The following ARHGEF7 variants were observed in gnomAD, a reference collection of about 807,000 sequenced individuals.
The protein encoded by ARHGEF7 is PAK-interacting exchange factor beta.
A neutral mutation model predicts 109.8 loss-of-function variants in ARHGEF7; 33 were observed. The ratio of observed to expected loss-of-function variants is 0.30; its 90% CI spans 0.23 to 0.40. The LOEUF is 0.40. Ranked by LOEUF, ARHGEF7 falls within the 10% of genes least tolerant of loss-of-function variation. The pLI is 1.00. For missense variants in ARHGEF7, 938 were observed against 1,098.5 expected, an observed-to-expected ratio of 0.85 and a Z score of 2.07; for synonymous variants, 458 against 424.6, an observed-to-expected ratio of 1.08 and a Z score of -0.97.
rs199525448 is a variant in ARHGEF7 at position 111,288,323 on chromosome 13, C to T, written c.2045-31C>T. Reference sequence around the variant, plus strand: ...CAGTTGCCCTAGAGGCCTTTCAGTTCGACTGTGAACTGTTGCGCATCTCTT... The same window carrying T: ...CAGTTGCCCTAGAGGCCTTTCAGTTTGACTGTGAACTGTTGCGCATCTCTT... On this transcript the variant is annotated intron_variant, in intron 17 of 21. Coordinates refer to ENST00000646102, the MANE Select transcript of ARHGEF7 (RefSeq NM_001354046.2). 69 of 1,560,320 alleles carry T rather than the reference C, an allele frequency of 4.4e-5. No homozygotes were observed. In the Admixed American group the frequency reaches 7.4e-4, roughly 17 times the overall value.
At position 111,145,849 on chromosome 13, in the gene ARHGEF7, T is replaced by C. The variant is rs1275908963; in HGVS notation, c.166-8056T>C. Among the ~76,000 whole-genome samples the C allele has an allele frequency of 4.6e-5, 7 of 152,266 alleles. No homozygotes were observed. The highest frequency in any genetic ancestry group is 8.8e-5 in the Non-Finnish European group (6 of 68,046). ...CTGACATTTCAGCTGTCTGAGTCCC[T>C]GTTTTCTCATCTGTAAAATACCAGA... On this transcript the variant is annotated intron_variant, in intron 1 of 21. Transcript: ENST00000646102. The surrounding 1 kb of genome is among the most constrained non-coding windows in gnomAD (Gnocchi z 4.3).
chr13:111,274,825 C>T (rs1269810083), intron 11 of ARHGEF7, 35 bp downstream of exon 11: 7 of 1,298,578 alleles, frequency 5.4e-6, no homozygotes, highest in Admixed American at 2.8e-5. Flanking sequence ...CCCCCCCAGA[C>T]ATTATTGTGA....
At chr13:111,206,231 A>C (rs1237547937) in intron 3 of ARHGEF7, among the ~76,000 whole-genome samples, 6 of 149,814 alleles carry the variant, frequency 4.0e-5, no homozygotes, top group Non-Finnish European at 1.5e-5. Context: ...CTGGCCCTTC[A>C]GAGGGGGGGG....
chr13:111,165,404 G>C (rs1290719989), intron 2 of ARHGEF7, among the ~76,000 whole-genome samples: 1 of 152,202 alleles, frequency 6.6e-6, no homozygotes, highest in Non-Finnish European at 1.5e-5. Flanking sequence ...TGCATCACTT[G>C]TATCTCCGCT....
chr13:111,219,211 T>C (rs1292201209), intron 5 of ARHGEF7, among the ~76,000 whole-genome samples: 2 of 152,240 alleles, frequency 1.3e-5, no homozygotes, highest in African/African-American at 4.8e-5. Flanking sequence ...CATTCTGCTT[T>C]CTGTCTCTGA....
chr13:111,143,985 A>G (rs1034306966), intron 1 of ARHGEF7: 5 of 152,246 alleles, frequency 3.3e-5, no homozygotes, highest in African/African-American at 1.2e-4. Flanking sequence ...TGGCATTGCT[A>G]TGAATTTGGG....
intron 9 of ARHGEF7, among the ~76,000 whole-genome samples, chr13:111,271,927 A>G (rs1390670440): frequency 6.6e-6 from 1 of 152,240 alleles, no homozygotes; most frequent in Admixed American, 6.5e-5. Context: ...AAGGGCAGAC[A>G]GAGGTGCCGC....
At chr13:111,151,783 C>T (rs1435165972) in intron 1 of ARHGEF7, among the ~76,000 whole-genome samples, 2 of 151,926 alleles carry the variant, frequency 1.3e-5, no homozygotes, top group Admixed American at 6.6e-5. Context: ...CGTTTGGGGG[C>T]CATTTGAAAC....
Position 111,132,993 on chromosome 13 carries a change from C to T in ARHGEF7, c.165+17302C>T, listed in dbSNP as rs986468927. 1.3e-4 allele frequency among the ~76,000 whole-genome samples: 20 copies of T among 152,048 alleles called. 1 individual carries two copies. The highest frequency in any genetic ancestry group is 3.4e-3 in the Middle Eastern group (1 of 294). On this transcript the variant is annotated intron_variant, in intron 1 of 21. Transcript: ENST00000646102. ...ATCTGTACACACATGTATATATACA[C>T]GTATATGCATACATATTTATATATA...
intron 8 of ARHGEF7, among the ~76,000 whole-genome samples, chr13:111,263,591 A>G (rs946033587): frequency 2.6e-5 from 4 of 152,214 alleles, no homozygotes; most frequent in African/African-American, 4.8e-5. Context: ...CACATATCCA[A>G]TAACTTTCCT....
intron 1 of ARHGEF7, among the ~76,000 whole-genome samples, chr13:111,140,500 A>G (rs989187471): frequency 1.3e-5 from 2 of 152,154 alleles, no homozygotes; most frequent in African/African-American, 4.8e-5. Flanking sequence ...TGTTGCAGGC[A>G]GAGGGAACAG....
chr13:111,173,175 C>A (rs1377540830), intron 2 of ARHGEF7, among the ~76,000 whole-genome samples: 1 of 152,148 alleles, frequency 6.6e-6, no homozygotes, highest in African/African-American at 2.4e-5. Flanking sequence ...GCACACAGAT[C>A]CTGCCAGTTA....
chr13:111,197,338 G>C (rs2080648029), intron 2 of ARHGEF7, among the ~76,000 whole-genome samples: 1 of 152,124 alleles, frequency 6.6e-6, no homozygotes, highest in African/African-American at 2.4e-5. Context: ...TAGACCACAA[G>C]GAGGACTGAG....
chr13:111,166,467 G>T (rs1196087632), intron 2 of ARHGEF7, among the ~76,000 whole-genome samples: 1 of 152,212 alleles, frequency 6.6e-6, no homozygotes, highest in Non-Finnish European at 1.5e-5. Context: ...AAGGGCAAAA[G>T]CACGGAAACC....
intron 1 of ARHGEF7, chr13:111,144,303 A>G (rs958672623): frequency 6.6e-6 from 1 of 152,282 alleles, no homozygotes; most frequent in Admixed American, 6.5e-5. Context: ...AAAGAGAAAC[A>G]TGCTTTAAAA....
At position 111,301,431 on chromosome 13, in the gene ARHGEF7, C is replaced by T. The variant is rs747766559; in HGVS notation, c.2412-47C>T. 3 of 1,558,232 alleles carry T rather than the reference C, an allele frequency of 1.9e-6. No homozygotes were observed. The East Asian group carries it at 6.7e-5, about 35-fold the overall frequency. The stretch of plus-strand genomic sequence containing the variant: ...CCTGGTAAGTTTTCGTGTGTCCTCT[C>T]CATGCCTCACCTTGTTCATGTGTGT... On this transcript the variant is annotated intron_variant, in intron 20 of 21. Transcript: ENST00000646102.
chr13:111,303,133 CTGTT>C lies in ARHGEF7; in HGVS notation c.*21_*24del. 1 of 1,534,248 alleles carries C rather than the reference CTGTT, an allele frequency of 6.5e-7. No individual in the cohort carries two copies. Among genetic ancestry groups the C allele is most frequent in the Non-Finnish European group, 8.8e-7 (1 of 1,131,768 alleles). ...CTATAAGGGATGTCCTCAGTTCTTT[CTGTT>C]GAAGACCAGTTCTGAGGTGAAGCTG... On this transcript the variant is annotated 3_prime_UTR_variant, in exon 22 of 22. Coordinates refer to ENST00000646102, the MANE Select transcript of ARHGEF7 (RefSeq NM_001354046.2).
At chr13:111,174,047 C>T (rs548689098) in intron 2 of ARHGEF7, among the ~76,000 whole-genome samples, 3 of 152,296 alleles carry the variant, frequency 2.0e-5, no homozygotes, top group East Asian at 1.9e-4. Context: ...ACCCAGCCCT[C>T]CCCCTGTACT....
chr13:111,126,730 ATCTAGGGTTGGC>A (rs1486664259), intron 1 of ARHGEF7, among the ~76,000 whole-genome samples: 1 of 152,246 alleles, frequency 6.6e-6, no homozygotes, highest in Non-Finnish European at 1.5e-5. Context: ...AATGTCAGCT[ATCTAGGGTTGGC>A]TCTTCAAACA....
Sources: gnomAD v4.1 joint callset for allele counts (sites outside exome capture counted in the v4.1 genomes callset) on GRCh38, gnomAD v4.1.1 for gene constraint, Gnocchi (gnomAD v3.1) non-coding constraint, MANE v1.5 for transcripts, NCBI Gene and HGNC (gene_info 2026-07-23, HGNC 2026-07-21) for gene names.